IKZF3: variants seen among roughly 807,000 people sequenced by gnomAD.
IKZF3 encodes the protein zinc finger protein Aiolos.
IKZF3 carries 10 observed loss-of-function variants against 49.0 expected under a neutral mutation model. The ratio of observed to expected loss-of-function variants is 0.20; its 90% CI spans 0.13 to 0.35. IKZF3 has a LOEUF of 0.35. IKZF3 is among the 10% of genes least tolerant of loss of function. The probability of loss-of-function intolerance (pLI) is 1.00; values close to 1 mark genes in which losing one functional copy is unlikely to be tolerated. For synonymous variants in IKZF3, 209 were observed against 228.2 expected, an observed-to-expected ratio of 0.92 and a Z score of 0.76; for missense variants, 498 against 664.8, an observed-to-expected ratio of 0.75 and a Z score of 2.76.
At chr17:39,850,855 G>A (rs1354362740) in intron 1 of IKZF3, among the ~76,000 whole-genome samples, 2 of 80,628 alleles carry the variant, frequency 2.5e-5, no homozygotes, top group East Asian at 3.0e-4. Flanking sequence ...TATATAATAT[G>A]CTCTATAGTA....
intron 3 of IKZF3, among the ~76,000 whole-genome samples, chr17:39,796,420 G>A (rs2143933477): frequency 6.6e-6 from 1 of 152,206 alleles, no homozygotes; most frequent in South Asian, 2.1e-4. Context: ...CAGTCTCCAA[G>A]ATCTATCAAC....
intron 2 of IKZF3, among the ~76,000 whole-genome samples, chr17:39,829,925 C>A (rs2062065236): frequency 6.6e-6 from 1 of 151,670 alleles, no homozygotes; most frequent in South Asian, 2.1e-4. Context: ...GCACTCCAGC[C>A]TGGGTGACAG....
At chr17:39,829,562 C>A in intron 2 of IKZF3, 74 bp from the exon 3 acceptor site, 1 of 1,008,114 alleles carries the variant, frequency 9.9e-7, no homozygotes, top group Non-Finnish European at 1.5e-6. Context: ...TAAGTAGACC[C>A]CCATTTAACT....
Position 39,759,948 on chromosome 17 carries a change from AG to A in IKZF3, c.*5841del. ...TTCACCACTCCCTTTTCTCTTCTTGAGCTCACAAGTCCCGATGCTGACTCTT... is the reference window on the plus strand; with the variant it reads ...TTCACCACTCCCTTTTCTCTTCTTGACTCACAAGTCCCGATGCTGACTCTT... On this transcript the variant is annotated 3_prime_UTR_variant, in exon 8 of 8. Transcript: ENST00000346872. 1 of 151,908 alleles carries A rather than the reference AG, an allele frequency of 6.6e-6. No homozygotes were observed. The highest frequency in any genetic ancestry group is 1.5e-5 in the Non-Finnish European group (1 of 67,968). The allele number at this position is 151,908 out of a possible 1,614,324, so 9.4% of individuals were successfully genotyped here. A position where few individuals can be genotyped will look rare whatever the true frequency, so the allele number is the denominator to read the frequency against.
intron 3 of IKZF3, among the ~76,000 whole-genome samples, chr17:39,795,804 G>A (rs1040803765): frequency 4.7e-4 from 71 of 151,104 alleles, no homozygotes; most frequent in African/African-American, 1.6e-3. Flanking sequence ...TGTAATCTCA[G>A]CACTTTGGGA....
chr17:39,856,026 T>TGTACAATATAACATGTATATTGTATAG (rs2063038611), intron 1 of IKZF3, among the ~76,000 whole-genome samples: 1 of 145,830 alleles, frequency 6.9e-6, no homozygotes. Flanking sequence ...ATATTGTATA[T>TGTACAATATAACATGTATATTGTATAG]GTACAATATA....
intron 3 of IKZF3, among the ~76,000 whole-genome samples, chr17:39,808,546 T>A (rs1288750033): frequency 6.6e-6 from 1 of 152,216 alleles, no homozygotes; most frequent in Non-Finnish European, 1.5e-5. Flanking sequence ...TCACTTTCTG[T>A]TCTGTTAATA....
Position 39,760,688 on chromosome 17 carries a change from TAGG to T in IKZF3, c.*5099_*5101del, listed in dbSNP as rs1331767082. 3 of 152,142 alleles carry T rather than the reference TAGG, an allele frequency of 2.0e-5. No homozygotes were observed. The highest frequency in any genetic ancestry group is 1.9e-4 in the East Asian group (1 of 5,190). 9.4% of individuals were successfully genotyped at this position (152,142 alleles called of 1,614,324 possible). A position where few individuals can be genotyped will look rare whatever the true frequency, so the allele number is the denominator to read the frequency against. ...GGGGAGGTGGGGGTGGTACAGGAAA[TAGG>T]AGAATAATAGTGATACAGATGCTAC... On this transcript the variant is annotated 3_prime_UTR_variant, in exon 8 of 8. Transcript: ENST00000346872.
chr17:39,842,053 AAAAAAAC>A (rs1335904337), intron 1 of IKZF3, among the ~76,000 whole-genome samples: 183 of 149,076 alleles, frequency 1.2e-3, no homozygotes, highest in African/African-American at 4.3e-3. Flanking sequence ...AAAAAAAAAA[AAAAAAAC>A]CAGATAAAAT....
chr17:39,839,575 G>C (rs566171205), intron 1 of IKZF3: 1 of 486,436 alleles, frequency 2.1e-6, no homozygotes, highest in Admixed American at 2.9e-5. Context: ...AAGGAAGAGA[G>C]GACTGTTTCT....
At chr17:39,771,455 T>A (rs2060440674) in intron 7 of IKZF3, among the ~76,000 whole-genome samples, 1 of 152,210 alleles carries the variant, frequency 6.6e-6, no homozygotes, top group Admixed American at 6.5e-5. Context: ...CATCATTTCA[T>A]GACAAATCAG....
intron 1 of IKZF3, among the ~76,000 whole-genome samples, chr17:39,846,209 A>G (rs1473949142): frequency 6.6e-6 from 1 of 152,174 alleles, no homozygotes; most frequent in African/African-American, 2.4e-5. Flanking sequence ...TCTAAAGGAC[A>G]CAACTAGTCT....
rs1027715065 is a variant in IKZF3, at chr17:39,758,018, C to T, written c.*7772G>A. On this transcript the variant is annotated 3_prime_UTR_variant, in exon 8 of 8. Transcript: ENST00000346872. ...TGTGAGCACAGGCTGTGTCAAAACCCAGGGCAAGGGCTCCCTCCCGCCTTC... is the reference window on the plus strand; with the variant it reads ...TGTGAGCACAGGCTGTGTCAAAACCTAGGGCAAGGGCTCCCTCCCGCCTTC... 6.6e-6 allele frequency: 1 copy of T among 152,150 alleles called. No homozygotes were observed. The highest frequency in any genetic ancestry group is 2.4e-5 in the African/African-American group (1 of 41,420). The allele number at this position is 152,150 out of a possible 1,614,324, so 9.4% of individuals were successfully genotyped here.
intron 1 of IKZF3, among the ~76,000 whole-genome samples, chr17:39,856,151 AG>A (rs1177198030): frequency 6.6e-6 from 1 of 152,026 alleles, no homozygotes; most frequent in Non-Finnish European, 1.5e-5. Flanking sequence ...AATGCTTGTA[AG>A]GTTACATGTT....
chr17:39,804,558 A>T (rs1365173510), intron 3 of IKZF3, among the ~76,000 whole-genome samples: 1 of 152,188 alleles, frequency 6.6e-6, no homozygotes, highest in Non-Finnish European at 1.5e-5. Flanking sequence ...AGATCACAAT[A>T]GACCCCTAAC....
At chr17:39,785,026 A>G (rs920542003) in intron 6 of IKZF3, among the ~76,000 whole-genome samples, 10 of 152,198 alleles carry the variant, frequency 6.6e-5, no homozygotes, top group Admixed American at 6.5e-5. Context: ...CACAACAGCA[A>G]TGGAGCATCA....
intron 3 of IKZF3, among the ~76,000 whole-genome samples, chr17:39,811,295 AAAAGAG>A (rs999974052): frequency 2.0e-5 from 3 of 149,938 alleles, no homozygotes; most frequent in Non-Finnish European, 4.4e-5. Flanking sequence ...AGGAAATAAA[AAAAGAG>A]AAAGAGAAAG....
chr17:39,778,297 C>A, intron 6 of IKZF3: 2 of 466,086 alleles, frequency 4.3e-6, no homozygotes, highest in Non-Finnish European at 5.6e-6. Flanking sequence ...TGGTTTCTTT[C>A]TTTTTCTTTT....
At chr17:39,860,801 T>C (rs2063194911) in intron 1 of IKZF3, among the ~76,000 whole-genome samples, 1 of 152,188 alleles carries the variant, frequency 6.6e-6, no homozygotes, top group Non-Finnish European at 1.5e-5. Context: ...ACAGGATCAA[T>C]AGAAGCCCAA....
Sources: allele counts gnomAD v4.1 joint callset (sites outside exome capture counted in the v4.1 genomes callset), GRCh38; gene constraint gnomAD v4.1.1; transcripts MANE v1.5; gene names NCBI Gene and HGNC (gene_info 2026-07-23, HGNC 2026-07-21).